The following TIAM1 variants were observed in gnomAD, a reference collection of about 807,000 sequenced individuals.
TIAM1 encodes the protein rho guanine nucleotide exchange factor TIAM1.
In TIAM1, 65 loss-of-function variants were observed where a neutral mutation model predicts 163.5. That is an observed-to-expected ratio of 0.40 (90% CI 0.33 to 0.49). TIAM1 has a LOEUF of 0.49. TIAM1 is among the 20% of genes least tolerant of loss of function. The pLI, the probability that TIAM1 is intolerant of heterozygous loss-of-function variation, is 0.77. For missense variants in TIAM1, 1,789 were observed against 2,044.7 expected (o/e 0.87, Z 2.41); for synonymous variants, 833 against 810.1 (o/e 1.03, Z -0.48).
At chr21:31,176,956 C>T (rs1465430952) in intron 15 of TIAM1, among the ~76,000 whole-genome samples, 2 of 152,116 alleles carry the variant, frequency 1.3e-5, no homozygotes, top group African/African-American at 4.8e-5. Context: ...GTTCTTTCTA[C>T]TCGAGAAAGG....
chr21:31,421,485 C>A (rs965970710), intron 2 of TIAM1, among the ~76,000 whole-genome samples: 2 of 152,168 alleles, frequency 1.3e-5, no homozygotes, highest in Non-Finnish European at 2.9e-5. Context: ...GTCAGATCAG[C>A]GGTGACATCA....
chr21:31,431,016 G>A (rs2044009232), intron 2 of TIAM1, among the ~76,000 whole-genome samples: 1 of 152,060 alleles, frequency 6.6e-6, no homozygotes, highest in Non-Finnish European at 1.5e-5. Flanking sequence ...GTAATAATAA[G>A]AACATAATGA....
intron 1 of TIAM1, among the ~76,000 whole-genome samples, chr21:31,510,995 A>T (rs939925012): frequency 6.6e-6 from 1 of 152,252 alleles, no homozygotes; most frequent in African/African-American, 2.4e-5. Context: ...AAGCAGAGAC[A>T]CATAGGACAA....
At chr21:31,301,169 T>C (rs1490146270) in intron 2 of TIAM1, among the ~76,000 whole-genome samples, 2 of 152,222 alleles carry the variant, frequency 1.3e-5, no homozygotes, top group Non-Finnish European at 2.9e-5. Context: ...ATGGAAGTTG[T>C]ATCAGCTCGA....
chr21:31,184,243 T>C (rs1369351180), intron 14 of TIAM1, among the ~76,000 whole-genome samples: 1 of 152,006 alleles, frequency 6.6e-6, no homozygotes, highest in Non-Finnish European at 1.5e-5. Context: ...GTAGCTAGGA[T>C]TATAGGTGCG....
chr21:31,168,504 C>A (rs1285413754), intron 15 of TIAM1, among the ~76,000 whole-genome samples: 1 of 151,850 alleles, frequency 6.6e-6, no homozygotes, highest in African/African-American at 2.4e-5. Context: ...GGGTTCACAC[C>A]ATTCTCCTGC....
intron 16 of TIAM1, among the ~76,000 whole-genome samples, chr21:31,163,872 A>G (rs1258459214): frequency 6.6e-6 from 1 of 151,926 alleles, no homozygotes; most frequent in Non-Finnish European, 1.5e-5. Flanking sequence ...GCGTCAAGCA[A>G]AAAAAAGAGA....
intron 2 of TIAM1, among the ~76,000 whole-genome samples, chr21:31,446,221 G>A (rs1332934585): frequency 6.2e-5 from 3 of 48,174 alleles, no homozygotes; most frequent in South Asian, 7.8e-4. Context: ...GATTACAGGT[G>A]TGAGCCACCT....
intron 2 of TIAM1, among the ~76,000 whole-genome samples, chr21:31,409,112 C>CT (rs200352360): frequency 3.6e-3 from 503 of 141,106 alleles, no homozygotes; most frequent in South Asian, 3.8e-3. Context: ...TTCTCCTTTT[C>CT]TTTTTTTTTT....
chr21:31,127,115 T>C lies in TIAM1; in HGVS notation c.4083A>G (p.Val1361=). ...EANAVCEIVH[V]KSESEGRPER... ...CCGGCCTCCCTTCAGACTCGGATTT[T>C]ACATGGACAATTTCACACACGGCAT... The change falls in exon 26 of 28, where the codon GTA becomes GTG. Residue 1361 remains valine (V), a synonymous_variant. Transcript: ENST00000541036. 4 of 1,614,096 alleles carry C rather than the reference T, an allele frequency of 2.5e-6. No homozygotes were observed. The highest frequency in any genetic ancestry group is 2.7e-5 in the African/African-American group (2 of 75,066).
In TIAM1 at chr21:31,449,589, G is replaced by T. The variant is rs368377135; in HGVS notation, c.-369+14394C>A. Among the ~76,000 whole-genome samples the T allele has an allele frequency of 5.9e-5, 9 of 152,092 alleles. No homozygotes were observed. The East Asian group carries it at 1.2e-3, about 20-fold the overall frequency. On this transcript the variant is annotated intron_variant, in intron 2 of 28. Coordinates refer to the TIAM1 transcript ENST00000286827. Reference sequence around the variant, plus strand: ...GACGGGGTTTCACCATGTTGGTCAGGCTGGTCTCGAACTCCTGACCTCAGA... The same window carrying T: ...GACGGGGTTTCACCATGTTGGTCAGTCTGGTCTCGAACTCCTGACCTCAGA...
At chr21:31,355,528 ATTAT>A (rs56133305) in intron 2 of TIAM1, among the ~76,000 whole-genome samples, 4,344 of 144,704 alleles carry the variant, frequency 0.03, 66 homozygotes, top group Middle Eastern at 0.039. Context: ...TCTCTCCTTT[ATTAT>A]TTATTTATTT....
chr21:31,342,671 A>G (rs139339803), intron 1 of TIAM1, among the ~76,000 whole-genome samples: 2,111 of 152,284 alleles, frequency 0.014, 20 homozygotes, highest in South Asian at 0.031. Flanking sequence ...GAGGGAGTAG[A>G]TCACAGACCT....
intron 13 of TIAM1, among the ~76,000 whole-genome samples, chr21:31,190,544 A>G (rs2085508691): frequency 6.6e-6 from 1 of 152,182 alleles, no homozygotes; most frequent in Admixed American, 6.5e-5. Flanking sequence ...TTCAGATAAC[A>G]AGCACAGGCA....
intron 6 of TIAM1, among the ~76,000 whole-genome samples, chr21:31,227,238 T>G (rs1037834012): frequency 6.6e-6 from 1 of 152,144 alleles, no homozygotes; most frequent in Non-Finnish European, 1.5e-5. Context: ...ATTACAGATG[T>G]GAGCCATCTT....
At chr21:31,385,541 T>C (rs2076851201) in intron 2 of TIAM1, among the ~76,000 whole-genome samples, 1 of 151,936 alleles carries the variant, frequency 6.6e-6, no homozygotes, top group Non-Finnish European at 1.5e-5. Flanking sequence ...AGCTAGGATC[T>C]GTACAAGTGA....
chr21:31,471,334 C>A (rs1025658012), intron 1 of TIAM1, among the ~76,000 whole-genome samples: 4 of 152,170 alleles, frequency 2.6e-5, no homozygotes, highest in Non-Finnish European at 4.4e-5. Flanking sequence ...TCGGTTCCCC[C>A]CTTTACCACA....
At chr21:31,335,059 G>T (rs1315064948) in intron 2 of TIAM1, among the ~76,000 whole-genome samples, 1 of 152,048 alleles carries the variant, frequency 6.6e-6, no homozygotes, top group Non-Finnish European at 1.5e-5. Flanking sequence ...AAGCCTCCAG[G>T]GTATCTTGCA....
chr21:31,552,462 A>ATG (rs1222911276), intron 1 of TIAM1, among the ~76,000 whole-genome samples: 1 of 152,134 alleles, frequency 6.6e-6, no homozygotes, highest in East Asian at 1.9e-4. Context: ...TAGCTGAGAG[A>ATG]TGTAGGCTGG....
Sources: allele counts gnomAD v4.1 joint callset (sites outside exome capture counted in the v4.1 genomes callset), GRCh38; gene constraint gnomAD v4.1.1; transcripts MANE v1.5; gene names NCBI Gene and HGNC (gene_info 2026-07-23, HGNC 2026-07-21).